Variants in KSR1 observed in about 807,000 individuals in gnomAD.
KSR1 encodes the protein kinase suppressor of ras 1, also known as kinase suppressor of ras.
A neutral mutation model predicts 92.9 loss-of-function variants in KSR1; 35 were observed. That is an observed-to-expected ratio of 0.38 (90% confidence interval 0.29 to 0.50). The LOEUF is 0.50. Among genes scored for constraint, KSR1 ranks in the 20% least tolerant of loss-of-function variants. The pLI is 0.94. For synonymous variants in KSR1, 467 were observed against 472.6 expected (o/e 0.99, Z 0.15); for missense variants, 972 against 1,158.5 (o/e 0.84, Z 2.34).
chr17:27,601,363 C>T lies in KSR1; in HGVS notation c.1472C>T (p.Ala491Val). Residue 491 changes from alanine (A) to valine (V), a missense_variant, in exon 11 of 21, where the codon GCC (alanine) becomes GTC (valine). Physicochemically the swap from Ala to Val is moderately conservative, Grantham distance 64. This residue lies in a region of KSR1 where 611 missense variants were observed against 668.0 expected (regional missense o/e 0.91). Coordinates refer to ENST00000644974, the MANE Select transcript of KSR1 (RefSeq NM_001394583.1). The stretch of plus-strand genomic sequence containing the variant: ...TCACCTCCTCTTCTGTTTAAAGCTG[C>T]CTACTTCATTCATCATAGACAGCAG... ...QRDSRFNFPA[A>V]YFIHHRQQFI... The T allele has an allele frequency of 6.2e-7, 1 of 1,613,442 alleles. No homozygotes were observed. The highest frequency in any genetic ancestry group is 2.2e-5 in the East Asian group (1 of 44,890).
intron 1 of KSR1, among the ~76,000 whole-genome samples, chr17:27,513,123 A>T (rs970017955): frequency 6.6e-6 from 1 of 152,168 alleles, no homozygotes; most frequent in African/African-American, 2.4e-5. Flanking sequence ...TATATTCTTT[A>T]GTGTCTGGTT....
chr17:27,598,119 C>T (rs2073413314), intron 10 of KSR1, among the ~76,000 whole-genome samples: 1 of 152,190 alleles, frequency 6.6e-6, no homozygotes, highest in Non-Finnish European at 1.5e-5. Flanking sequence ...GGGTGTCTGC[C>T]TCTCCAAGCA....
intron 1 of KSR1, among the ~76,000 whole-genome samples, chr17:27,549,705 C>G (rs1287705340): frequency 1.3e-5 from 2 of 152,194 alleles, no homozygotes; most frequent in Non-Finnish European, 2.9e-5. Flanking sequence ...AGGACCCTGG[C>G]CAATACTGCT....
chr17:27,576,790 G>T (rs2072523329), intron 2 of KSR1, among the ~76,000 whole-genome samples: 1 of 152,232 alleles, frequency 6.6e-6, no homozygotes, highest in African/African-American at 2.4e-5. Flanking sequence ...ATGGTTGGCT[G>T]CTGGTAACTG....
chr17:27,621,960 G>C (rs1461800588), intron 20 of KSR1: 1 of 1,612,494 alleles, frequency 6.2e-7, no homozygotes, highest in Non-Finnish European at 8.5e-7. Flanking sequence ...CATGCACCAG[G>C]GGCTTTCTTC....
rs780278944 is a variant in KSR1 at position 27,623,336 on chromosome 17, C to T, written c.2731C>T (p.Pro911Ser). 7.6e-5 allele frequency: 58 copies of T among 765,148 alleles called. No homozygotes were observed. The highest frequency in any genetic ancestry group is 1.3e-4 in the Non-Finnish European group (53 of 417,848). The allele number at this position is 765,148 out of a possible 1,614,324, so 47.4% of individuals were successfully genotyped here. Reference sequence around the variant, plus strand: ...CAGCATTAACAGCAGCAAAGTTGTACCCCGGTTTGAAAGGTTTGGCTTGGG... The same window carrying T: ...CAGCATTAACAGCAGCAAAGTTGTATCCCGGTTTGAAAGGTTTGGCTTGGG... ...EEYINSSKVV[P>S]RFERFGLGVL... is the part of the protein sequence containing the mutation. The change falls in exon 21 of 21, where the codon CCC becomes TCC. Residue 911 changes from proline to serine, a missense_variant. By Grantham distance (74) the Pro-to-Ser change is moderately conservative. Around this residue, in one of 5 missense-constraint regions of KSR1, gnomAD observed 46 missense variants for 39.0 expected, o/e 1.18. Coordinates refer to ENST00000644974, the MANE Select transcript of KSR1 (RefSeq NM_001394583.1).
chr17:27,608,611 A>G (rs1337792822), intron 15 of KSR1, among the ~76,000 whole-genome samples: 1 of 148,432 alleles, frequency 6.7e-6, no homozygotes, highest in East Asian at 2.0e-4. Flanking sequence ...GAAGTTGAGC[A>G]CTGTGTCCAA....
intron 2 of KSR1, among the ~76,000 whole-genome samples, chr17:27,565,386 A>C (rs1413031282): frequency 6.6e-6 from 1 of 152,206 alleles, no homozygotes; most frequent in East Asian, 1.9e-4. Flanking sequence ...CAGTGCTTTT[A>C]TCCTCAGTAT....
chr17:27,496,047 C>T (rs1376774838), intron 1 of KSR1, among the ~76,000 whole-genome samples: 1 of 152,162 alleles, frequency 6.6e-6, no homozygotes, highest in Admixed American at 6.5e-5. Context: ...CTCCATGAGC[C>T]GCCGCAAGAT....
rs539767082 is a variant in KSR1 at position 27,552,935 on chromosome 17, A to C, written c.372+2227A>C. ...CCCAACACCCTACTTAATAGAGACC[A>C]TTTTCCCCACCTCACAGTTGAGGAA... On this transcript the variant is annotated intron_variant, in intron 2 of 20. Coordinates refer to ENST00000644974, the MANE Select transcript of KSR1 (RefSeq NM_001394583.1). 2.6e-5 allele frequency among the ~76,000 whole-genome samples: 4 copies of C among 152,174 alleles called. No homozygotes were observed. In the East Asian group the frequency reaches 7.7e-4, roughly 29 times the overall value.
chr17:27,615,383 C>G (rs2074030004), intron 18 of KSR1, among the ~76,000 whole-genome samples: 4 of 152,200 alleles, frequency 2.6e-5, no homozygotes, highest in African/African-American at 9.7e-5. Context: ...CTTTGTGGGT[C>G]CATCTCTTCC....
chr17:27,590,783 A>G lies in KSR1; in HGVS notation c.1047-28A>G, dbSNP rs373399091. The G allele has an allele frequency of 2.1e-5, 34 of 1,595,728 alleles. No individual in the cohort carries two copies. In the African/African-American group the frequency reaches 2.1e-4, roughly 10 times the overall value. On this transcript the variant is annotated intron_variant, in intron 6 of 20. Coordinates refer to ENST00000644974, the MANE Select transcript of KSR1 (RefSeq NM_001394583.1). The stretch of plus-strand genomic sequence containing the variant: ...GGGCCTTGGCCTCCCAGCTGGTGCA[A>G]ACATGTGCCTGTGTCCGCCCTCTGC...
At chr17:27,513,750 C>A (rs1177642081) in intron 1 of KSR1, among the ~76,000 whole-genome samples, 1 of 152,206 alleles carries the variant, frequency 6.6e-6, no homozygotes, top group Non-Finnish European at 1.5e-5. Flanking sequence ...TTATGTTTAA[C>A]CCCTGCAAGG....
At chr17:27,512,554 G>A (rs562975962) in intron 1 of KSR1, among the ~76,000 whole-genome samples, 141 of 152,246 alleles carry the variant, frequency 9.3e-4, no homozygotes, top group African/African-American at 2.8e-3. Flanking sequence ...GTGAAACCCC[G>A]TCTCTACTAA....
chr17:27,577,707 G>T lies in KSR1; in HGVS notation c.520+68G>T. On this transcript the variant is annotated intron_variant, in intron 3 of 20. Coordinates refer to ENST00000644974, the MANE Select transcript of KSR1 (RefSeq NM_001394583.1). This position sits in a 1 kb window ranked among gnomAD's most constrained non-coding sequence, Gnocchi z 4.5. ...CCTTGGGGCTGTGGCCTTCACTATG[G>T]TGGGTGATGGAGCGGGGCAAGCGTG... The T allele has an allele frequency of 7.6e-7, 1 of 1,318,080 alleles. No homozygotes were observed. The highest frequency in any genetic ancestry group is 1.1e-6 in the Non-Finnish European group (1 of 947,426). 81.6% of individuals were successfully genotyped at this position (1,318,080 alleles called of 1,614,324 possible). A position where few individuals can be genotyped will look rare whatever the true frequency, so the allele number is the denominator to read the frequency against.
At chr17:27,610,266 G>A in intron 17 of KSR1, 68 bp downstream of exon 17, 1 of 1,599,646 alleles carries the variant, frequency 6.3e-7, no homozygotes, top group Non-Finnish European at 8.5e-7. Flanking sequence ...GCCATTGGGG[G>A]CAGAGGGAGG....
At chr17:27,460,674 C>T (rs2019392340) in intron 1 of KSR1, among the ~76,000 whole-genome samples, 2 of 152,140 alleles carry the variant, frequency 1.3e-5, no homozygotes, top group South Asian at 4.1e-4. Flanking sequence ...AGAGGCCTGG[C>T]CCTCACACAG....
rs757269111 is a variant in KSR1 at position 27,582,643 on chromosome 17, C to T, written c.521-3C>T. 6.2e-7 allele frequency: 1 copy of T among 1,603,338 alleles called. No individual in the cohort carries two copies. The highest frequency in any genetic ancestry group is 8.5e-7 in the Non-Finnish European group (1 of 1,173,066). On this transcript the variant is annotated splice_region_variant and splice_polypyrimidine_tract_variant and intron_variant, in intron 3 of 20. Transcript: ENST00000644974. ...ATCTGTGACTCCACGTCTTGGTCCACAGGAGGGGAGCACAAGGAGGACTCC... is the reference window on the plus strand; with the variant it reads ...ATCTGTGACTCCACGTCTTGGTCCATAGGAGGGGAGCACAAGGAGGACTCC...
chr17:27,565,512 T>C (rs955068090), intron 2 of KSR1, among the ~76,000 whole-genome samples: 8 of 152,228 alleles, frequency 5.3e-5, no homozygotes, highest in African/African-American at 1.9e-4. Context: ...GCATCCTCCA[T>C]CTTTTGGCCT....
Sources: gnomAD v4.1 joint callset for allele counts (sites outside exome capture counted in the v4.1 genomes callset) on GRCh38, gnomAD v4.1.1 for gene constraint, gnomAD v4.1.1 regional missense constraint, Gnocchi (gnomAD v3.1) non-coding constraint, MANE v1.5 for transcripts, NCBI Gene and HGNC (gene_info 2026-07-23, HGNC 2026-07-21) for gene names.